Variants in STARD9 observed in about 807,000 individuals in gnomAD.
STARD9 encodes stAR-related lipid transfer protein 9.
Under a neutral mutation model 399.8 loss-of-function variants are expected in STARD9, and 346 were observed. That is an observed-to-expected ratio of 0.87 (90% confidence interval 0.79 to 0.95). The LOEUF (loss-of-function observed/expected upper bound fraction) is 0.95. Ranked by LOEUF, STARD9 falls within the 40% of genes least tolerant of loss-of-function variation. The probability of loss-of-function intolerance (pLI) is 0.00; values close to 1 mark genes in which losing one functional copy is unlikely to be tolerated. For missense variants in STARD9, 5,832 were observed against 5,667.5 expected, an observed-to-expected ratio of 1.03 and a Z score of -0.93; for synonymous variants, 2,203 against 2,143.5, an observed-to-expected ratio of 1.03 and a Z score of -0.77.
Position 42,658,187 on chromosome 15 carries a change from C to G in STARD9, c.703-2971C>G, listed in dbSNP as rs531127156. ...TGAGACAGGGTCACACTCTGTCACC[C>G]AGGCTAGAGTGCAGTGGCACAATCA... On this transcript the variant is annotated intron_variant, in intron 9 of 32. Transcript: ENST00000290607. Among the ~76,000 whole-genome samples, 166 of 152,170 alleles carry G rather than the reference C, an allele frequency of 1.1e-3. 1 individual carries two copies. Among genetic ancestry groups the G allele is most frequent in the African/African-American group, 3.9e-3 (160 of 41,498 alleles).
At chr15:42,680,470 T>G (rs1251661613) in intron 20 of STARD9, among the ~76,000 whole-genome samples, 1 of 151,920 alleles carries the variant, frequency 6.6e-6, no homozygotes, top group East Asian at 1.9e-4. Context: ...CGTGGTGGCA[T>G]ATGTCTGTAA....
At position 42,720,735 on chromosome 15, in the gene STARD9, T is replaced by C. The variant is rs2061436889; in HGVS notation, c.*1161T>C. 6.6e-6 allele frequency: 1 copy of C among 152,236 alleles called. No homozygotes were observed. Among genetic ancestry groups the C allele is most frequent in the South Asian group, 2.1e-4 (1 of 4,834 alleles). 9.4% of individuals were successfully genotyped at this position (152,236 alleles called of 1,614,324 possible). A position where few individuals can be genotyped will look rare whatever the true frequency, so the allele number is the denominator to read the frequency against. The stretch of plus-strand genomic sequence containing the variant: ...ATTCAGAAGATGTGGTAAAGGTCTA[T>C]TTCTGTAGTGTGGCAGAGATGTGTT... On this transcript the variant is annotated 3_prime_UTR_variant, in exon 33 of 33. Transcript: ENST00000290607.
chr15:42,695,950 G>C (rs2060838027), intron 26 of STARD9, 70 bp downstream of exon 26: 1 of 1,468,878 alleles, frequency 6.8e-7, no homozygotes, highest in East Asian at 2.5e-5. Flanking sequence ...GCAGGACGCT[G>C]TGCCTCCTGG....
intron 3 of STARD9, among the ~76,000 whole-genome samples, chr15:42,596,382 C>T (rs1254797479): frequency 6.6e-6 from 1 of 152,098 alleles, no homozygotes; most frequent in Non-Finnish European, 1.5e-5. Flanking sequence ...AAGCGATTGT[C>T]AATTAATTGC....
chr15:42,643,174 T>C (rs2059574556), intron 7 of STARD9, among the ~76,000 whole-genome samples: 1 of 152,120 alleles, frequency 6.6e-6, no homozygotes, highest in Admixed American at 6.6e-5. Flanking sequence ...AAAATTACTT[T>C]ATCAAAGTTA....
At chr15:42,593,780 C>T (rs1219281671) in intron 3 of STARD9, among the ~76,000 whole-genome samples, 2 of 146,940 alleles carry the variant, frequency 1.4e-5, no homozygotes, top group Non-Finnish European at 3.0e-5. Context: ...TCTCCTGTCT[C>T]AGCCTCCTGA....
intron 3 of STARD9, among the ~76,000 whole-genome samples, chr15:42,625,634 T>C (rs2059189136): frequency 7.4e-6 from 1 of 134,674 alleles, no homozygotes. Context: ...CTGGCTGCTA[T>C]TTTCTTCTTC....
chr15:42,646,567 G>A (rs1595700360), intron 7 of STARD9, among the ~76,000 whole-genome samples: 1 of 152,342 alleles, frequency 6.6e-6, no homozygotes, highest in South Asian at 2.1e-4. Flanking sequence ...TAGCATTGAA[G>A]GGAATCAGGG....
chr15:42,706,043 G>C (rs1314704098), intron 26 of STARD9, among the ~76,000 whole-genome samples: 1 of 151,852 alleles, frequency 6.6e-6, no homozygotes, highest in Non-Finnish European at 1.5e-5. Flanking sequence ...GTGAGCCACC[G>C]CACCCGTCCT....
intron 3 of STARD9, among the ~76,000 whole-genome samples, chr15:42,632,059 C>T (rs1384951895): frequency 1.3e-5 from 2 of 152,096 alleles, no homozygotes; most frequent in African/African-American, 2.4e-5. Flanking sequence ...CCAGCTATTA[C>T]GGTATTGAGG....
In STARD9 at chr15:42,693,747, G is replaced by C. The variant is rs911592864; in HGVS notation, c.12169G>C (p.Glu4057Gln). ...REPSQWQSRT[E>Q]NGGESSASPG... is the part of the protein sequence containing the mutation. Reference sequence around the variant, plus strand: ...GCCAAGTCAGTGGCAGAGCAGGACAGAAAATGGAGGTGAGAGTTCAGCATC... The same window carrying C: ...GCCAAGTCAGTGGCAGAGCAGGACACAAAATGGAGGTGAGAGTTCAGCATC... The change falls in exon 23 of 33, where the codon GAA becomes CAA. Residue 4057 changes from glutamate to glutamine, a missense_variant. Transcript: ENST00000290607. The C allele has an allele frequency of 1.3e-6, 2 of 1,536,782 alleles. No homozygotes were observed. The highest frequency in any genetic ancestry group is 2.7e-5 in the African/African-American group (2 of 73,186).
chr15:42,644,532 T>G (rs960940187), intron 7 of STARD9, among the ~76,000 whole-genome samples: 4 of 152,086 alleles, frequency 2.6e-5, no homozygotes, highest in Non-Finnish European at 5.9e-5. Context: ...TAAAAATACT[T>G]TATTGCTAAA....
At chr15:42,675,127 G>A (rs1024860356) in intron 18 of STARD9, among the ~76,000 whole-genome samples, 163 bp downstream of exon 18, 1 of 152,154 alleles carries the variant, frequency 6.6e-6, no homozygotes, top group African/African-American at 2.4e-5. Context: ...CCATAAACAA[G>A]CCTTAATTCC....
chr15:42,619,535 C>T (rs1222425977), intron 3 of STARD9, among the ~76,000 whole-genome samples: 1 of 139,970 alleles, frequency 7.1e-6, no homozygotes, highest in Non-Finnish European at 1.5e-5. Flanking sequence ...GCCTGGGTGA[C>T]AGCGCAAGAC....
chr15:42,597,086 T>C lies in STARD9; in HGVS notation c.234+11449T>C, dbSNP rs576176451. 4.3e-4 allele frequency among the ~76,000 whole-genome samples: 66 copies of C among 152,296 alleles called. No individual in the cohort carries two copies. The South Asian group carries it at 0.013, about 31-fold the overall frequency. ...TGTTTTGATTCTGTTTACGATTGTGTGTGTGTGTATATATATTTTGTTTGT... is the reference window on the plus strand; with the variant it reads ...TGTTTTGATTCTGTTTACGATTGTGCGTGTGTGTATATATATTTTGTTTGT... On this transcript the variant is annotated intron_variant, in intron 3 of 32. Coordinates refer to ENST00000290607, the MANE Select transcript of STARD9 (RefSeq NM_020759.3).
At position 42,685,616 on chromosome 15, in the gene STARD9, C is replaced by T. The variant is rs1240156705; in HGVS notation, c.4038C>T (p.Asn1346=). The part of the protein sequence containing the change: ...DSWFSCDSKI[N]PSSPPGIVGS... ...GGTTTTCCTGTGACTCTAAGATCAA[C>T]CCCAGCAGCCCCCCAGGAATAGTGG... Residue 1346 remains asparagine, a synonymous_variant, in exon 23 of 33, where the codon AAC becomes AAT. Transcript: ENST00000290607. 2 of 1,537,412 alleles carry T rather than the reference C, an allele frequency of 1.3e-6. No homozygotes were observed. Among genetic ancestry groups the T allele is most frequent in the South Asian group, 1.2e-5 (1 of 84,062 alleles).
chr15:42,665,219 A>G (rs1480653407), intron 13 of STARD9, 34 bp from the exon 14 acceptor site: 2 of 1,499,970 alleles, frequency 1.3e-6, no homozygotes, highest in Non-Finnish European at 1.8e-6. Flanking sequence ...GGACTTGATA[A>G]CAATCAGTGG....
chr15:42,599,044 C>T (rs2058571973), intron 3 of STARD9, among the ~76,000 whole-genome samples: 2 of 152,154 alleles, frequency 1.3e-5, no homozygotes, highest in African/African-American at 4.8e-5. Flanking sequence ...CTGCCTCAGC[C>T]TCCCAAGTAG....
chr15:42,666,624 C>T (rs964565461), intron 15 of STARD9, among the ~76,000 whole-genome samples: 4 of 152,024 alleles, frequency 2.6e-5, no homozygotes, highest in African/African-American at 9.7e-5. Flanking sequence ...CTTCTTGAAT[C>T]AGGTTGGTGA....
Sources: gnomAD v4.1 joint callset for allele counts (sites outside exome capture counted in the v4.1 genomes callset) on GRCh38, gnomAD v4.1.1 for gene constraint, MANE v1.5 for transcripts, NCBI Gene and HGNC (gene_info 2026-07-23, HGNC 2026-07-21) for gene names.